Variants in DAB1 observed in about 807,000 individuals in gnomAD.
DAB1 encodes DAB adaptor protein 1.
In DAB1, 15 loss-of-function variants were observed where a neutral mutation model predicts 64.6. The observed-to-expected ratio is 0.23, with a 90% CI of 0.16 to 0.36. The LOEUF (loss-of-function observed/expected upper bound fraction) is 0.36. Among genes scored for constraint, DAB1 ranks in the 10% least tolerant of loss-of-function variants. The pLI is 1.00. For synonymous variants in DAB1, 235 were observed against 251.9 expected (o/e 0.93, Z 0.64); for missense variants, 596 against 706.7 (o/e 0.84, Z 1.78).
rs551062226 is a variant in DAB1 at position 57,290,887 on chromosome 1, T to C, written c.67+77A>G. On this transcript the variant is annotated intron_variant, in intron 2 of 14. Transcript: ENST00000371236. ...ATATGCAATCATAAAGATATTTCTT[T>C]ATATCATTCCAGAGATCTAAAAACT... 10 of 826,910 alleles carry C rather than the reference T, an allele frequency of 1.2e-5. 1 individual carries two copies. The African/African-American group carries it at 1.6e-4, about 13-fold the overall frequency. 51.2% of individuals were successfully genotyped at this position (826,910 alleles called of 1,614,324 possible). A position where few individuals can be genotyped will look rare whatever the true frequency, so the allele number is the denominator to read the frequency against.
intron 7 of DAB1, among the ~76,000 whole-genome samples, chr1:57,515,981 T>C (rs1644459652): frequency 6.6e-6 from 1 of 152,262 alleles, no homozygotes; most frequent in Non-Finnish European, 1.5e-5. Context: ...AGCCAAGGCC[T>C]GTAGCGAAAT....
Position 57,445,778 on chromosome 1 carries a change from A to G in DAB1, n.626-154612T>C, listed in dbSNP as rs186780878. 1.5e-4 allele frequency among the ~76,000 whole-genome samples: 23 copies of G among 152,304 alleles called. No homozygotes were observed. In the East Asian group the frequency reaches 4.2e-3, roughly 28 times the overall value. On this transcript the variant is annotated intron_variant and non_coding_transcript_variant, in intron 7 of 20. Coordinates refer to the DAB1 transcript ENST00000485760. The stretch of plus-strand genomic sequence containing the variant: ...AAGAATTCACCCAAAATATATTAAA[A>G]CGCATAGAATAAACCAACTCATTTC...
chr1:58,406,232 CTG>C (rs1450049321), intron 3 of DAB1, among the ~76,000 whole-genome samples: 2 of 152,208 alleles, frequency 1.3e-5, no homozygotes, highest in East Asian at 1.9e-4. Flanking sequence ...GCTCCCCACT[CTG>C]TGACCCTCAG....
At chr1:57,064,474 G>A (rs957896874) in intron 8 of DAB1, among the ~76,000 whole-genome samples, 3 of 152,138 alleles carry the variant, frequency 2.0e-5, no homozygotes, top group Non-Finnish European at 4.4e-5. Context: ...CTCAAGACAA[G>A]TCTTTCAGGT....
At chr1:57,457,416 A>T (rs576774996) in intron 7 of DAB1, among the ~76,000 whole-genome samples, 1 of 152,326 alleles carries the variant, frequency 6.6e-6, no homozygotes, top group South Asian at 2.1e-4. Context: ...GGATGATTAC[A>T]TAGGCAAACA....
At chr1:58,341,917 A>G (rs1209488804) in intron 4 of DAB1, among the ~76,000 whole-genome samples, 1 of 152,208 alleles carries the variant, frequency 6.6e-6, no homozygotes, top group Non-Finnish European at 1.5e-5. Context: ...TAGGGTCTAC[A>G]TATTTCAGTT....
At chr1:58,543,964 A>G (rs1240910819) in intron 1 of DAB1, among the ~76,000 whole-genome samples, 1 of 152,214 alleles carries the variant, frequency 6.6e-6, no homozygotes, top group African/African-American at 2.4e-5. Flanking sequence ...TTAAATGGCC[A>G]TATGTGGCTA....
intron 9 of DAB1, among the ~76,000 whole-genome samples, chr1:57,052,391 C>T (rs1490794192): frequency 1.3e-5 from 2 of 152,110 alleles, no homozygotes; most frequent in East Asian, 3.9e-4. Flanking sequence ...AGTTCTGTAG[C>T]CCTGATTTCA....
At chr1:57,263,803 C>A (rs1404550033) in intron 2 of DAB1, among the ~76,000 whole-genome samples, 1 of 152,154 alleles carries the variant, frequency 6.6e-6, no homozygotes, top group Admixed American at 6.6e-5. Context: ...CTCATTAAAT[C>A]TTGACAGTTT....
rs778156383 is a variant in DAB1, at chr1:58,462,109, GTTTCTTT to G, written n.257+43944_257+43950del. On this transcript the variant is annotated intron_variant and non_coding_transcript_variant, in intron 3 of 20. Transcript: ENST00000485760. ...TTGAGATCCACGTCGATCTGAGAAGGTTTCTTTTTTTTTTTTTTTTTTTTTTTTGAGA... is the reference window on the plus strand; with the variant it reads ...TTGAGATCCACGTCGATCTGAGAAGGTTTTTTTTTTTTTTTTTTTTTGAGA... Among the ~76,000 whole-genome samples, 39 of 133,944 alleles carry G rather than the reference GTTTCTTT, an allele frequency of 2.9e-4. 1 individual carries two copies. Among genetic ancestry groups the G allele is most frequent in the South Asian group, 6.9e-4 (3 of 4,338 alleles). The allele number at this position is 133,944 out of a possible 152,430, so 87.9% of individuals were successfully genotyped here.
At chr1:58,312,402 A>C (rs1662450602) in intron 4 of DAB1, among the ~76,000 whole-genome samples, 1 of 152,218 alleles carries the variant, frequency 6.6e-6, no homozygotes, top group African/African-American at 2.4e-5. Flanking sequence ...GCAATGAAAA[A>C]GACATGCACT....
rs139554750 is a variant in DAB1 at position 57,808,305 on chromosome 1, T to A, written n.551+75694A>T. On this transcript the variant is annotated intron_variant and non_coding_transcript_variant, in intron 6 of 20. Transcript: ENST00000485760. ...TTCTCTGGTTAACTGTAACTATTCTTTGAATCTTAGCCCTAGTCCACCCTC... is the reference window on the plus strand; with the variant it reads ...TTCTCTGGTTAACTGTAACTATTCTATGAATCTTAGCCCTAGTCCACCCTC... Among the ~76,000 whole-genome samples the A allele has an allele frequency of 8.5e-4, 129 of 152,300 alleles. 1 individual carries two copies. Among genetic ancestry groups the A allele is most frequent in the African/African-American group, 3.1e-3 (128 of 41,564 alleles).
At chr1:57,687,504 A>G (rs1646712182) in intron 6 of DAB1, among the ~76,000 whole-genome samples, 1 of 151,412 alleles carries the variant, frequency 6.6e-6, no homozygotes, top group African/African-American at 2.4e-5. Flanking sequence ...CTATCAAACT[A>G]CCAATACCAT....
At chr1:58,479,441 T>A (rs1367919951) in intron 3 of DAB1, among the ~76,000 whole-genome samples, 1 of 152,192 alleles carries the variant, frequency 6.6e-6, no homozygotes, top group South Asian at 2.1e-4. Context: ...TCTTAACAAC[T>A]AGATATTTTG....
chr1:57,218,416 C>T (rs751581695), intron 2 of DAB1, among the ~76,000 whole-genome samples: 33 of 148,540 alleles, frequency 2.2e-4, no homozygotes, highest in Non-Finnish European at 4.6e-4. Flanking sequence ...TTTGGTGGCT[C>T]GCATCTGCAA....
At chr1:57,128,234 T>C (rs1657333417) in intron 4 of DAB1, among the ~76,000 whole-genome samples, 3 of 151,842 alleles carry the variant, frequency 2.0e-5, no homozygotes, top group Non-Finnish European at 2.9e-5. Flanking sequence ...TGAAAGTTCA[T>C]ATAAAACACT....
At chr1:58,440,725 C>T (rs915416206) in intron 3 of DAB1, among the ~76,000 whole-genome samples, 15 of 152,132 alleles carry the variant, frequency 9.9e-5, no homozygotes, top group Non-Finnish European at 2.1e-4. Context: ...GCCATTTAGC[C>T]GTAACAACTC....
chr1:58,475,928 C>T (rs889130230), intron 3 of DAB1, among the ~76,000 whole-genome samples: 1 of 152,070 alleles, frequency 6.6e-6, no homozygotes, highest in Admixed American at 6.5e-5. Flanking sequence ...TAAAAAAATA[C>T]AACCTTAAGT....
chr1:57,407,099 A>G (rs1349640694), intron 1 of DAB1, among the ~76,000 whole-genome samples: 3 of 152,236 alleles, frequency 2.0e-5, no homozygotes, highest in Non-Finnish European at 4.4e-5. Flanking sequence ...TCCCATCTAA[A>G]GTGAATTATG....
Sources: gnomAD v4.1 joint callset for allele counts (sites outside exome capture counted in the v4.1 genomes callset) on GRCh38, gnomAD v4.1.1 for gene constraint, MANE v1.5 for transcripts, NCBI Gene and HGNC (gene_info 2026-07-23, HGNC 2026-07-21) for gene names.